Variants in RIF1 observed in about 807,000 individuals in gnomAD.
RIF1 encodes the protein telomere-associated protein RIF1.
RIF1 carries 45 observed loss-of-function variants against 247.1 expected under a neutral mutation model. That is an observed-to-expected ratio of 0.18 (90% CI 0.14 to 0.23). RIF1 has a LOEUF of 0.23. Among genes scored for constraint, RIF1 ranks in the 10% least tolerant of loss-of-function variants. The pLI is 1.00. For missense variants in RIF1, 2,967 were observed against 2,862.5 expected, an observed-to-expected ratio of 1.04 and a Z score of -0.83; for synonymous variants, 1,087 against 978.8, an observed-to-expected ratio of 1.11 and a Z score of -2.06.
downstream of RIF1, chr2:151,486,803 C>T (rs529015239): frequency 6.6e-6 from 1 of 152,032 alleles, no homozygotes; most frequent in Non-Finnish European, 1.5e-5. Flanking sequence ...CTTAGGTAGC[C>T]AAATAATATA....
rs1448259584 is a variant in RIF1, at chr2:151,478,892, G to A, written c.*3821G>A. The A allele has an allele frequency of 7.0e-6, 1 of 143,474 alleles. No homozygotes were observed. The highest frequency in any genetic ancestry group is 1.5e-5 in the Non-Finnish European group (1 of 65,856). 8.9% of individuals were successfully genotyped at this position (143,474 alleles called of 1,614,324 possible). A position where few individuals can be genotyped will look rare whatever the true frequency, so the allele number is the denominator to read the frequency against. On this transcript the variant is annotated 3_prime_UTR_variant, in exon 36 of 36. Coordinates refer to ENST00000444746, the MANE Select transcript of RIF1 (RefSeq NM_018151.5). ...TAGACTAAAACTTGGGTGGGGGGAG[G>A]AGACTGTTTCCTCATTGCTGCAACC...
At chr2:151,447,266 A>G (rs948866652) in intron 20 of RIF1, among the ~76,000 whole-genome samples, 1 of 152,220 alleles carries the variant, frequency 6.6e-6, no homozygotes, top group Admixed American at 6.5e-5. Context: ...CCTCATGGAA[A>G]GGACAGCTGT....
In RIF1 at chr2:151,417,085, T is replaced by C. The variant is rs571623182; in HGVS notation, c.503+184T>C. 3.3e-5 allele frequency among the ~76,000 whole-genome samples: 5 copies of C among 152,314 alleles called. No individual in the cohort carries two copies. The South Asian group carries it at 1.0e-3, about 32-fold the overall frequency. ...GTAGATATGTGTGGGTTACTAGGTT[T>C]TTTGTTTATTTTTACTGGGACCATG... On this transcript the variant is annotated intron_variant, in intron 6 of 35. Coordinates refer to ENST00000444746, the MANE Select transcript of RIF1 (RefSeq NM_018151.5).
the RIF1 span, among the ~76,000 whole-genome samples, chr2:151,529,660 ACCT>A: frequency 3.9e-5 from 6 of 151,900 alleles, no homozygotes; most frequent in Non-Finnish European, 7.4e-5. Flanking sequence ...CCTCCTGAGT[ACCT>A]GGGACCACAG....
In RIF1 at chr2:151,480,015, AG is replaced by A. The variant is rs2049102607; in HGVS notation, c.*4945del. ...AAATATTTAATATAGTAGTCTAAAC[AG>A]TTGTGAGAATTTACTCAGTTCTGAA... is the stretch of plus-strand genomic sequence containing the variant. On this transcript the variant is annotated 3_prime_UTR_variant, in exon 36 of 36. Transcript: ENST00000444746. 6.6e-6 allele frequency: 1 copy of A among 152,188 alleles called. No individual in the cohort carries two copies. Among genetic ancestry groups the A allele is most frequent in the Non-Finnish European group, 1.5e-5 (1 of 68,018 alleles). 9.4% of individuals were successfully genotyped at this position (152,188 alleles called of 1,614,324 possible). A position where few individuals can be genotyped will look rare whatever the true frequency, so the allele number is the denominator to read the frequency against.
chr2:151,465,147 CTT>C lies in RIF1; in HGVS notation c.5629_5630del (p.Leu1877GlyfsTer23). Reference sequence around the variant, plus strand: ...GACTCGAAAAATGTTTCACAGGAATCTTTGGAGACAAAAGAAGAAAAACCAGA... The same window carrying C: ...GACTCGAAAAATGTTTCACAGGAATCTGGAGACAAAAGAAGAAAAACCAGA... On this transcript the variant is annotated frameshift_variant, in exon 30 of 36. Transcript: ENST00000444746. LOFTEE classifies it high-confidence loss of function. 6.2e-7 allele frequency: 1 copy of C among 1,613,566 alleles called. No individual in the cohort carries two copies. Among genetic ancestry groups the C allele is most frequent in the Non-Finnish European group, 8.5e-7 (1 of 1,179,882 alleles).
intron 11 of RIF1, chr2:151,502,927 GCA>G (rs1271682580): frequency 8.2e-7 from 1 of 1,225,930 alleles, no homozygotes; most frequent in Non-Finnish European, 1.2e-6. Context: ...TTTAAAACAG[GCA>G]CAGAGAGTAA....
chr2:151,424,919 TCCGC>T (rs2152237989), intron 8 of RIF1, among the ~76,000 whole-genome samples: 1 of 142,788 alleles, frequency 7.0e-6, no homozygotes, highest in South Asian at 2.3e-4. Context: ...ACTCAAGTGA[TCCGC>T]CTGCCTCAGC....
intron 20 of RIF1, among the ~76,000 whole-genome samples, chr2:151,450,451 T>G (rs554153191): frequency 1.3e-5 from 2 of 152,326 alleles, no homozygotes; most frequent in Admixed American, 1.3e-4. Flanking sequence ...CATTAGAGAT[T>G]AATGACTACT....
chr2:151,472,495 T>C (rs1253013451), intron 34 of RIF1, among the ~76,000 whole-genome samples: 1 of 152,208 alleles, frequency 6.6e-6, no homozygotes, highest in Non-Finnish European at 1.5e-5. Flanking sequence ...CAGTATGATA[T>C]TGGCTGTGGG....
At chr2:151,431,732 C>G (rs560864985) in intron 9 of RIF1, among the ~76,000 whole-genome samples, 1 of 152,094 alleles carries the variant, frequency 6.6e-6, no homozygotes, top group Non-Finnish European at 1.5e-5. Context: ...GAGCCGAGAT[C>G]ATGCCATTGC....
At chr2:151,411,921 G>A (rs987879557) in intron 3 of RIF1, among the ~76,000 whole-genome samples, 2 of 152,168 alleles carry the variant, frequency 1.3e-5, no homozygotes, top group African/African-American at 2.4e-5. Flanking sequence ...TTTGCCTAAA[G>A]TTGCCTAGGG....
At chr2:151,446,778 A>T (rs142556285) in intron 20 of RIF1, among the ~76,000 whole-genome samples, 4 of 152,070 alleles carry the variant, frequency 2.6e-5, no homozygotes, top group African/African-American at 9.6e-5. Flanking sequence ...AATAGTGAAG[A>T]TCTTTTACTA....
chr2:151,417,979 A>C (rs1687502765), intron 6 of RIF1, among the ~76,000 whole-genome samples: 1 of 152,170 alleles, frequency 6.6e-6, no homozygotes, highest in South Asian at 2.1e-4. Context: ...GAAAAGGTAC[A>C]CTAAAAATAT....
At chr2:151,525,472 G>A in the RIF1 span, among the ~76,000 whole-genome samples, 46 of 152,214 alleles carry the variant, frequency 3.0e-4, no homozygotes, top group East Asian at 3.5e-3. Context: ...GGCAATCTTC[G>A]GAGAACCTGG....
chr2:151,533,817 C>T, the RIF1 span, among the ~76,000 whole-genome samples: 1 of 152,218 alleles, frequency 6.6e-6, no homozygotes, highest in African/African-American at 2.4e-5. Flanking sequence ...GAAAAGAAGA[C>T]ATCTTTGGAA....
At chr2:151,519,882 T>C in the RIF1 span, 2 of 671,670 alleles carry the variant, frequency 3.0e-6, no homozygotes, top group Admixed American at 4.8e-5. Flanking sequence ...AGTGATCATA[T>C]AATCTATTAT....
At position 151,502,365 on chromosome 2, in the gene RIF1, A is replaced by AAAAT. The variant is rs1208565792; in HGVS notation, c.*710-661_*710-658dup. 5.5e-4 allele frequency among the ~76,000 whole-genome samples: 81 copies of AAAAT among 146,648 alleles called. 1 individual carries two copies. The East Asian group carries it at 0.015, about 27-fold the overall frequency. On this transcript the variant is annotated intron_variant and NMD_transcript_variant, in intron 11 of 13. Coordinates refer to the RIF1 transcript ENST00000454583. The stretch of plus-strand genomic sequence containing the variant: ...CACCTGTACCTCCCAAACTTATGGA[A>AAAAT]AAATAAATAAACATCTAAACATAAA...
intron 16 of RIF1, among the ~76,000 whole-genome samples, chr2:151,442,767 A>ATTTTTTTTTTTTTTTTTTTTTTT: frequency 9.6e-6 from 1 of 104,052 alleles, no homozygotes; most frequent in Non-Finnish European, 1.9e-5. Context: ...AAAGAGCTTG[A>ATTTTTTTTTTTTTTTTTTTTTTT]TTTTTTTTTT....
Sources: allele counts gnomAD v4.1 joint callset (sites outside exome capture counted in the v4.1 genomes callset), GRCh38; gene constraint gnomAD v4.1.1; transcripts MANE v1.5; gene names NCBI Gene and HGNC (gene_info 2026-07-23, HGNC 2026-07-21).